ASIC2: variants seen among roughly 807,000 people sequenced by gnomAD.
The protein encoded by ASIC2 is acid sensing ion channel subunit 2.
In ASIC2, 25 loss-of-function variants were observed where a neutral mutation model predicts 57.3. The observed-to-expected ratio is 0.44, with a 90% CI of 0.32 to 0.61. The LOEUF (loss-of-function observed/expected upper bound fraction) is 0.61. Among genes scored for constraint, ASIC2 ranks in the 20% least tolerant of loss-of-function variants. The pLI, the probability that ASIC2 is intolerant of heterozygous loss-of-function variation, is 0.06. For synonymous variants in ASIC2, 319 were observed against 307.5 expected (o/e 1.04, Z -0.39); for missense variants, 641 against 738.1 (o/e 0.87, Z 1.52).
intron 1 of ASIC2, among the ~76,000 whole-genome samples, chr17:33,926,997 C>G (rs934644606): frequency 6.6e-6 from 1 of 152,082 alleles, no homozygotes; most frequent in African/African-American, 2.4e-5. Context: ...CACAATCTCT[C>G]TGCTCACTGC....
intron 3 of ASIC2, among the ~76,000 whole-genome samples, chr17:33,068,404 A>G (rs1369893886): frequency 6.6e-6 from 1 of 152,178 alleles, no homozygotes; most frequent in Non-Finnish European, 1.5e-5. Context: ...ATGGTGGTGC[A>G]TGCCTGTAAT....
chr17:34,143,695 C>T (rs979301290), intron 1 of ASIC2, among the ~76,000 whole-genome samples: 4 of 152,086 alleles, frequency 2.6e-5, no homozygotes, highest in Non-Finnish European at 4.4e-5. Flanking sequence ...GAACACTGGG[C>T]GTCAAACTTG....
At chr17:33,943,963 C>A (rs1916250583) in intron 1 of ASIC2, among the ~76,000 whole-genome samples, 1 of 151,986 alleles carries the variant, frequency 6.6e-6, no homozygotes, top group Non-Finnish European at 1.5e-5. Context: ...TATAAAAATT[C>A]TTAGAGGTTT....
rs548121568 is a variant in ASIC2, at chr17:33,228,187, C to T, written c.708+63221G>A. Reference sequence around the variant, plus strand: ...GTGTAATTTCAAAACCCAGATAGAACGAGAGCTTAATGGGTATGAAGTCTC... The same window carrying T: ...GTGTAATTTCAAAACCCAGATAGAATGAGAGCTTAATGGGTATGAAGTCTC... On this transcript the variant is annotated intron_variant, in intron 1 of 9. Transcript: ENST00000225823. Among the ~76,000 whole-genome samples, 4 of 152,234 alleles carry T rather than the reference C, an allele frequency of 2.6e-5. No individual in the cohort carries two copies. In the East Asian group the frequency reaches 5.8e-4, roughly 22 times the overall value.
chr17:33,117,424 C>T (rs536191977), intron 1 of ASIC2, among the ~76,000 whole-genome samples: 1 of 152,266 alleles, frequency 6.6e-6, no homozygotes, highest in African/African-American at 2.4e-5. Context: ...GATCCATCTG[C>T]CTCAGCCTCC....
At chr17:33,850,808 G>A (rs1046611582) in intron 1 of ASIC2, among the ~76,000 whole-genome samples, 5 of 151,640 alleles carry the variant, frequency 3.3e-5, no homozygotes, top group Admixed American at 6.6e-5. Context: ...TAGGTCATTC[G>A]GTCACTTAAT....
upstream of ASIC2, among the ~76,000 whole-genome samples, chr17:33,294,751 C>T (rs143784392): frequency 1.1e-3 from 174 of 152,232 alleles, 2 homozygotes; most frequent in African/African-American, 4.0e-3. Context: ...TACATATACA[C>T]AACACACACA....
At chr17:33,125,035 A>G (rs1022493279) in intron 1 of ASIC2, among the ~76,000 whole-genome samples, 5 of 152,186 alleles carry the variant, frequency 3.3e-5, no homozygotes, top group Non-Finnish European at 7.4e-5. Flanking sequence ...AATGCAAGCA[A>G]TGGGGAGTGG....
chr17:33,430,129 A>T (rs1000964344), intron 1 of ASIC2, among the ~76,000 whole-genome samples: 1 of 152,046 alleles, frequency 6.6e-6, no homozygotes, highest in Admixed American at 6.6e-5. Context: ...ACCCACTGAA[A>T]CCCTGGCTCC....
Position 33,292,609 on chromosome 17 carries a change from C to T in ASIC2, c.-494G>A. ...GCCTGATCTGGACATCCCCAGGGAC[C>T]CCACCAGCCCGGCCCGTAGCCCAGC... is the stretch of plus-strand genomic sequence containing the variant. On this transcript the variant is annotated 5_prime_UTR_variant, in exon 1 of 10. Transcript: ENST00000225823. The T allele has an allele frequency of 1.0e-6, 1 of 985,624 alleles. No homozygotes were observed. Among genetic ancestry groups the T allele is most frequent in the East Asian group, 1.1e-4 (1 of 8,782 alleles). The allele number at this position is 985,624 out of a possible 1,614,324, so 61.1% of individuals were successfully genotyped here.
At chr17:33,465,380 T>C (rs1265370030) in intron 1 of ASIC2, among the ~76,000 whole-genome samples, 2 of 147,316 alleles carry the variant, frequency 1.4e-5, no homozygotes, top group East Asian at 2.0e-4. Context: ...TTCTTTTTTT[T>C]TTTTTTTTTT....
chr17:33,196,326 T>C (rs935118424), intron 1 of ASIC2, among the ~76,000 whole-genome samples: 5 of 151,994 alleles, frequency 3.3e-5, no homozygotes, highest in Non-Finnish European at 7.4e-5. Context: ...ACGATGATGA[T>C]GATGATGATG....
At chr17:34,126,274 C>T (rs1025365192) in intron 1 of ASIC2, among the ~76,000 whole-genome samples, 1 of 152,190 alleles carries the variant, frequency 6.6e-6, no homozygotes, top group African/African-American at 2.4e-5. Flanking sequence ...AAGGCTACAC[C>T]AGTGAGACTT....
At chr17:33,831,897 G>C (rs967293) in intron 1 of ASIC2, among the ~76,000 whole-genome samples, 96,837 of 152,112 alleles carry the variant, frequency 0.64, 31,795 homozygotes, top group African/African-American at 0.81. Context: ...GAAACTCTTC[G>C]CTTTGGAGCA....
chr17:33,866,292 A>G (rs901638074), intron 1 of ASIC2, among the ~76,000 whole-genome samples: 1 of 152,192 alleles, frequency 6.6e-6, no homozygotes, highest in African/African-American at 2.4e-5. Flanking sequence ...TTACACCCCA[A>G]CATCAGTTTT....
chr17:33,195,569 C>CT (rs1288009489), intron 1 of ASIC2, among the ~76,000 whole-genome samples: 2 of 152,136 alleles, frequency 1.3e-5, no homozygotes, highest in Admixed American at 6.5e-5. Flanking sequence ...TGGCCATCAA[C>CT]TTTTTTACAT....
Position 33,763,508 on chromosome 17 carries a change from A to G in ASIC2, c.555+392470T>C, listed in dbSNP as rs1284127069. Among the ~76,000 whole-genome samples the G allele has an allele frequency of 2.0e-5, 3 of 152,082 alleles. No individual in the cohort carries two copies. In the East Asian group the frequency reaches 5.8e-4, roughly 29 times the overall value. The stretch of plus-strand genomic sequence containing the variant: ...GGCACTGGGATGGATTGCGTTATCT[A>G]TTGTTTACTAGTTTCCAGTTCCATT... On this transcript the variant is annotated intron_variant, in intron 1 of 9. Transcript: ENST00000359872.
At position 33,122,312 on chromosome 17, in the gene ASIC2, C is replaced by T. The variant is rs545037618; in HGVS notation, c.709-10245G>A. ...CTGGGATGTGGCTCCGAGGCTGCCACGTTCGGTGGAGCACATCTTAGTCTA... is the reference window on the plus strand; with the variant it reads ...CTGGGATGTGGCTCCGAGGCTGCCATGTTCGGTGGAGCACATCTTAGTCTA... On this transcript the variant is annotated intron_variant, in intron 1 of 9. Transcript: ENST00000225823. 5.3e-5 allele frequency among the ~76,000 whole-genome samples: 8 copies of T among 152,276 alleles called. No individual in the cohort carries two copies. In the South Asian group the frequency reaches 1.0e-3, roughly 20 times the overall value.
In ASIC2 at chr17:33,416,629, G is replaced by A. The variant is rs751098711; in HGVS notation, c.556-304562C>T. 1.1e-4 allele frequency among the ~76,000 whole-genome samples: 17 copies of A among 152,244 alleles called. No homozygotes were observed. In the East Asian group the frequency reaches 1.3e-3, roughly 12 times the overall value. On this transcript the variant is annotated intron_variant, in intron 1 of 9. Coordinates refer to the ASIC2 transcript ENST00000359872. ...CAGCTGAGGGAGGATGGGTGATGCC[G>A]TTGTGGGAAGATGGCAATGGCTTTT...
Sources: gnomAD v4.1 joint callset for allele counts (sites outside exome capture counted in the v4.1 genomes callset) on GRCh38, gnomAD v4.1.1 for gene constraint, MANE v1.5 for transcripts, NCBI Gene and HGNC (gene_info 2026-07-23, HGNC 2026-07-21) for gene names.